RIBC2: variants seen among roughly 807,000 people sequenced by gnomAD.
RIBC2 encodes RIB43A domain with coiled-coils 2, also known as RIB43A-like with coiled-coils protein 2.
Under a neutral mutation model 44.3 loss-of-function variants are expected in RIBC2, and 40 were observed. That is an observed-to-expected ratio of 0.90 (90% CI 0.70 to 1.18). RIBC2 has a LOEUF of 1.18. Ranked by LOEUF, RIBC2 falls within the 50% of genes most tolerant of loss-of-function variation. The pLI, the probability that RIBC2 is intolerant of heterozygous loss-of-function variation, is 0.00. For missense variants in RIBC2, 459 were observed against 485.5 expected, an observed-to-expected ratio of 0.95 and a Z score of 0.51; for synonymous variants, 171 against 175.0, an observed-to-expected ratio of 0.98 and a Z score of 0.18.
At position 45,431,069 on chromosome 22, in the gene RIBC2, G is replaced by A. The variant is rs778290125; in HGVS notation, c.1070+3G>A. 7.0e-6 allele frequency: 11 copies of A among 1,568,540 alleles called. No individual in the cohort carries two copies. In the Admixed American group the frequency reaches 1.3e-4, roughly 19 times the overall value. On this transcript the variant is annotated splice_donor_region_variant and intron_variant, in intron 6 of 6. Transcript: ENST00000614167. ...CTGGCCAAGGAGCAGCATTTGCAGT[G>A]AGTGCTGGGTGGGACCAGGGCCAGG...
At chr22:45,418,751 G>A (rs1018393392) in intron 3 of RIBC2, among the ~76,000 whole-genome samples, 21 of 151,858 alleles carry the variant, frequency 1.4e-4, no homozygotes, top group Admixed American at 9.2e-4. Context: ...CTCCTTGCTC[G>A]GCCCATCCTC....
chr22:45,425,786 G>A (rs2087527862), intron 4 of RIBC2, among the ~76,000 whole-genome samples, 162 bp from the exon 5 acceptor site: 1 of 152,066 alleles, frequency 6.6e-6, no homozygotes, highest in Non-Finnish European at 1.5e-5. Flanking sequence ...GGGGTTCAAG[G>A]ACCCACCCAC....
intron 4 of RIBC2, among the ~76,000 whole-genome samples, chr22:45,424,664 T>C (rs938328814): frequency 6.6e-6 from 1 of 151,852 alleles, no homozygotes; most frequent in African/African-American, 2.4e-5. Context: ...AGCCAGAGGA[T>C]CCCTGCAGGA....
chr22:45,417,463 T>C (rs1156488662), intron 2 of RIBC2, 139 bp from the exon 3 acceptor site: 2 of 616,010 alleles, frequency 3.2e-6, no homozygotes, highest in Non-Finnish European at 5.5e-6. Flanking sequence ...GGCAGAAAGA[T>C]GGTTGGAGGC....
rs2087386105 is a variant in RIBC2, at chr22:45,413,722, G to T, written c.-165G>T. 6 of 1,162,342 alleles carry T rather than the reference G, an allele frequency of 5.2e-6. No individual in the cohort carries two copies. Among genetic ancestry groups the T allele is most frequent in the Admixed American group, 2.4e-5 (1 of 41,078 alleles). 72.0% of individuals were successfully genotyped at this position (1,162,342 alleles called of 1,614,324 possible). A position where few individuals can be genotyped will look rare whatever the true frequency, so the allele number is the denominator to read the frequency against. ...TTGACATTTCCGAGAGAGCGGGAGC[G>T]TCTGTACCTCTGCGGCGTCACTGGG... On this transcript the variant is annotated 5_prime_UTR_variant, in exon 1 of 7. Coordinates refer to ENST00000614167, the MANE Select transcript of RIBC2 (RefSeq NM_015653.5).
chr22:45,418,093 C>A, intron 3 of RIBC2, 147 bp downstream of exon 3: 1 of 612,502 alleles, frequency 1.6e-6, no homozygotes, highest in Non-Finnish European at 2.8e-6. Context: ...AAAGTCCTAC[C>A]AATGTGCACA....
At chr22:45,428,952 G>A (rs549206498) in intron 5 of RIBC2, among the ~76,000 whole-genome samples, 1 of 152,324 alleles carries the variant, frequency 6.6e-6, no homozygotes, top group African/African-American at 2.4e-5. Flanking sequence ...GACTCAGGGG[G>A]CCGAGGGTAT....
In RIBC2 at chr22:45,432,271, A is replaced by G; in HGVS notation, c.1071-13A>G. 6.8e-7 allele frequency: 1 copy of G among 1,462,596 alleles called. No individual in the cohort carries two copies. Among genetic ancestry groups the G allele is most frequent in the South Asian group, 1.2e-5 (1 of 81,530 alleles). The allele number at this position is 1,462,596 out of a possible 1,614,324, so 90.6% of individuals were successfully genotyped here. A position where few individuals can be genotyped will look rare whatever the true frequency, so the allele number is the denominator to read the frequency against. The stretch of plus-strand genomic sequence containing the variant: ...CATTTGCTGACCTTTTTTTTTTCTC[A>G]TTTTGTTATCAGGAAAAAATATATG... On this transcript the variant is annotated splice_polypyrimidine_tract_variant and intron_variant, in intron 6 of 6. Coordinates refer to ENST00000614167, the MANE Select transcript of RIBC2 (RefSeq NM_015653.5).
chr22:45,427,554 C>T (rs1469640141), intron 5 of RIBC2, among the ~76,000 whole-genome samples: 1 of 152,182 alleles, frequency 6.6e-6, no homozygotes, highest in Non-Finnish European at 1.5e-5. Context: ...AATTAAAGCC[C>T]AGGAGGCAGC....
chr22:45,414,289 T>A (rs1238455526), intron 1 of RIBC2, 33 bp from the exon 2 acceptor site: 2 of 1,539,616 alleles, frequency 1.3e-6, no homozygotes, highest in Non-Finnish European at 1.8e-6. Flanking sequence ...ATGATCTGGC[T>A]CTAACCCTTC....
Position 45,417,856 on chromosome 22 carries a change from A to G in RIBC2, c.466A>G (p.Arg156Gly), listed in dbSNP as rs2087440747. 3 of 1,614,158 alleles carry G rather than the reference A, an allele frequency of 1.9e-6. No individual in the cohort carries two copies. The East Asian group carries it at 6.7e-5, about 36-fold the overall frequency. ...GGGAGAGGATTTAAACTTCCATGAGAGGAAGAAATTCCAAGAGGAACAAAA... is the reference window on the plus strand; with the variant it reads ...GGGAGAGGATTTAAACTTCCATGAGGGGAAGAAATTCCAAGAGGAACAAAA... ...FMGEDLNFHERKKFQEEQNRE... is the reference protein window; with the variant it reads ...FMGEDLNFHEGKKFQEEQNRE... The change falls in exon 3 of 7, where the codon AGG (arginine) becomes GGG (glycine). Residue 156 changes from arginine to glycine, a missense_variant. Coordinates refer to ENST00000614167, the MANE Select transcript of RIBC2 (RefSeq NM_015653.5).
At chr22:45,414,078 G>A in intron 1 of RIBC2, 63 bp downstream of exon 1, 1 of 1,540,252 alleles carries the variant, frequency 6.5e-7, no homozygotes. Context: ...CTGCGTGGAG[G>A]GGGAAAGGAG....
chr22:45,413,773 G>C lies in RIBC2; in HGVS notation c.-114G>C. On this transcript the variant is annotated 5_prime_UTR_variant, in exon 1 of 7. Coordinates refer to ENST00000614167, the MANE Select transcript of RIBC2 (RefSeq NM_015653.5). Reference sequence around the variant, plus strand: ...AGCCCGACGGAAAACTGCGCTAAAGGCTTGTCTTTCCCCTGCCCGACCGAA... The same window carrying C: ...AGCCCGACGGAAAACTGCGCTAAAGCCTTGTCTTTCCCCTGCCCGACCGAA... 7.1e-7 allele frequency: 1 copy of C among 1,404,338 alleles called. No individual in the cohort carries two copies. Among genetic ancestry groups the C allele is most frequent in the Non-Finnish European group, 9.5e-7 (1 of 1,049,498 alleles). The allele number at this position is 1,404,338 out of a possible 1,614,324, so 87.0% of individuals were successfully genotyped here. A position where few individuals can be genotyped will look rare whatever the true frequency, so the allele number is the denominator to read the frequency against.
chr22:45,426,712 G>T (rs2087537821), intron 5 of RIBC2, among the ~76,000 whole-genome samples: 1 of 152,202 alleles, frequency 6.6e-6, no homozygotes, highest in African/African-American at 2.4e-5. Context: ...GGTTGAACAG[G>T]ATCCCCAGCG....
Position 45,413,816 on chromosome 22 carries a change from C to T in RIBC2, c.-71C>T. 3.4e-6 allele frequency: 5 copies of T among 1,482,964 alleles called. No individual in the cohort carries two copies. Among genetic ancestry groups the T allele is most frequent in the East Asian group, 2.5e-5 (1 of 40,138 alleles). 91.9% of individuals were successfully genotyped at this position (1,482,964 alleles called of 1,614,324 possible). The stretch of plus-strand genomic sequence containing the variant: ...CGACCGAAGGAGCCGACCTTGCCTG[C>T]GCTACAGCTTCCTTATTTTCGTCGC... On this transcript the variant is annotated 5_prime_UTR_variant, in exon 1 of 7. Transcript: ENST00000614167.
chr22:45,422,393 C>T lies in RIBC2; in HGVS notation c.660C>T (p.Asp220=). The T allele has an allele frequency of 6.2e-7, 1 of 1,613,782 alleles. No individual in the cohort carries two copies. The highest frequency in any genetic ancestry group is 8.5e-7 in the Non-Finnish European group (1 of 1,179,662). ...TRKAVCASVK[D]FNKSQAIESV... is the part of the protein sequence containing the mutation. ...AGGCAGTTTGTGCATCTGTGAAAGA[C>T]TTCAACAAGAGCCAGGTATAGGTAC... Residue 220 remains aspartate, a synonymous_variant, in exon 4 of 7, where the codon GAC becomes GAT. Transcript: ENST00000614167.
At chr22:45,419,457 G>A (rs1285811400) in intron 3 of RIBC2, among the ~76,000 whole-genome samples, 4 of 152,016 alleles carry the variant, frequency 2.6e-5, no homozygotes, top group Admixed American at 1.3e-4. Context: ...CTCTCGGCTG[G>A]GCGCAGTGGC....
Position 45,417,705 on chromosome 22 carries a change from C to A in RIBC2, c.315C>A (p.Ser105Arg), listed in dbSNP as rs2146874990. 6.2e-7 allele frequency: 1 copy of A among 1,614,104 alleles called. No individual in the cohort carries two copies. Among genetic ancestry groups the A allele is most frequent in the South Asian group, 1.1e-5 (1 of 91,082 alleles). ...LCRAINDFQQ[S>R]FQKPETRREF... is the part of the protein sequence containing the mutation. ...GGGCTATCAATGACTTCCAACAGAG[C>A]TTTCAGAAGCCAGAAACTCGCCGTG... is the stretch of plus-strand genomic sequence containing the variant. The change falls in exon 3 of 7, where the codon AGC becomes AGA. Residue 105 changes from serine to arginine, a missense_variant. Ser to Arg is a moderately radical substitution (Grantham distance 110, BLOSUM62 -1). Transcript: ENST00000614167.
chr22:45,432,225 A>G (rs2087586995), intron 6 of RIBC2, 59 bp from the exon 7 acceptor site: 1 of 884,022 alleles, frequency 1.1e-6, no homozygotes, highest in Non-Finnish European at 1.7e-6. Context: ...AAAAAAAAAA[A>G]GAAAGAATAG....
Sources: gnomAD v4.1 joint callset for allele counts (sites outside exome capture counted in the v4.1 genomes callset) on GRCh38, gnomAD v4.1.1 for gene constraint, MANE v1.5 for transcripts, NCBI Gene and HGNC (gene_info 2026-07-23, HGNC 2026-07-21) for gene names.